The following PTPRG variants were observed in gnomAD, a reference collection of about 807,000 sequenced individuals.
PTPRG encodes receptor-type tyrosine-protein phosphatase gamma.
A neutral mutation model predicts 165.3 loss-of-function variants in PTPRG; 102 were observed. That is an observed-to-expected ratio of 0.62 (90% CI 0.53 to 0.73). PTPRG has a LOEUF of 0.73. Ranked by LOEUF, PTPRG falls within the 30% of genes least tolerant of loss-of-function variation. PTPRG has a pLI of 0.00. For missense variants in PTPRG, 1,866 were observed against 1,861.4 expected (o/e 1.00, Z -0.05); for synonymous variants, 675 against 669.5 (o/e 1.01, Z -0.13).
chr3:62,231,482 T>TTA (rs1700900729), intron 14 of PTPRG, among the ~76,000 whole-genome samples, 171 bp downstream of exon 14: 1 of 152,206 alleles, frequency 6.6e-6, no homozygotes, highest in Non-Finnish European at 1.5e-5. Context: ...ATTCAGCTTG[T>TTA]GGGTAGCTGG....
At chr3:61,615,898 A>T (rs1285318033) in intron 1 of PTPRG, among the ~76,000 whole-genome samples, 1 of 152,182 alleles carries the variant, frequency 6.6e-6, no homozygotes, top group Non-Finnish European at 1.5e-5. Flanking sequence ...CAAGAAGCTG[A>T]GGAGCCAAAG....
At chr3:61,966,740 C>T (rs908217546) in intron 2 of PTPRG, among the ~76,000 whole-genome samples, 1 of 152,074 alleles carries the variant, frequency 6.6e-6, no homozygotes, top group African/African-American at 2.4e-5. Flanking sequence ...ACAGGTGGCT[C>T]TAGAATTTCT....
At chr3:62,006,654 G>A (rs902145055) in intron 4 of PTPRG, among the ~76,000 whole-genome samples, 4 of 152,192 alleles carry the variant, frequency 2.6e-5, no homozygotes, top group Admixed American at 1.3e-4. Context: ...GATTGGTAGA[G>A]TACAGCTATG....
At position 61,881,207 on chromosome 3, in the gene PTPRG, C is replaced by T. The variant is rs557548018; in HGVS notation, c.191-108418C>T. ...CTCTAAAAACAGCCTTCTTCTTTCCCGATAGATTGTAAGTCTGTGCTTGTA... is the reference window on the plus strand; with the variant it reads ...CTCTAAAAACAGCCTTCTTCTTTCCTGATAGATTGTAAGTCTGTGCTTGTA... On this transcript the variant is annotated intron_variant, in intron 2 of 29. Transcript: ENST00000474889. Among the ~76,000 whole-genome samples the T allele has an allele frequency of 5.9e-5, 9 of 152,162 alleles. No individual in the cohort carries two copies. The East Asian group carries it at 1.5e-3, about 26-fold the overall frequency.
At chr3:61,708,871 G>A (rs1575602257) in intron 1 of PTPRG, among the ~76,000 whole-genome samples, 2 of 152,184 alleles carry the variant, frequency 1.3e-5, no homozygotes, top group East Asian at 1.9e-4. Flanking sequence ...TGTGAAGGTG[G>A]TTTAGAGCCT....
chr3:62,248,412 G>A (rs1366486547), intron 15 of PTPRG, among the ~76,000 whole-genome samples: 4 of 152,140 alleles, frequency 2.6e-5, no homozygotes, highest in Non-Finnish European at 4.4e-5. Context: ...TGAGGATAAA[G>A]CATAATTGAA....
At chr3:62,126,715 A>G (rs900576497) in intron 5 of PTPRG, among the ~76,000 whole-genome samples, 1 of 152,242 alleles carries the variant, frequency 6.6e-6, no homozygotes, top group African/African-American at 2.4e-5. Flanking sequence ...GCAATTCTCT[A>G]GACCAGGAAT....
intron 1 of PTPRG, among the ~76,000 whole-genome samples, chr3:61,698,878 A>G (rs2030768309): frequency 6.6e-6 from 1 of 152,158 alleles, no homozygotes; most frequent in Admixed American, 6.5e-5. Flanking sequence ...AGGGACATGG[A>G]TGAAACTGGA....
intron 2 of PTPRG, among the ~76,000 whole-genome samples, chr3:61,956,370 A>G (rs1019341629): frequency 9.2e-5 from 14 of 152,018 alleles, no homozygotes; most frequent in African/African-American, 3.4e-4. Flanking sequence ...AGACACTAAT[A>G]TTCCAGCTGT....
At chr3:61,608,036 A>G (rs557974746) in intron 1 of PTPRG, among the ~76,000 whole-genome samples, 9 of 151,966 alleles carry the variant, frequency 5.9e-5, no homozygotes, top group African/African-American at 1.9e-4. Context: ...TTCAGCTTTT[A>G]TTACTGCATG....
At chr3:61,989,535 G>A (rs1280503656) in intron 2 of PTPRG, 90 bp from the exon 3 acceptor site, 1 of 1,240,310 alleles carries the variant, frequency 8.1e-7, no homozygotes, top group African/African-American at 1.5e-5. Flanking sequence ...GGGACATGTT[G>A]AGAGATGCAG....
intron 2 of PTPRG, among the ~76,000 whole-genome samples, chr3:61,962,298 A>G (rs955110064): frequency 3.9e-5 from 6 of 152,212 alleles, no homozygotes; most frequent in African/African-American, 1.2e-4. Context: ...AAGTATAAGC[A>G]TATCAATTTT....
chr3:61,781,777 G>C (rs2034551204), intron 2 of PTPRG, among the ~76,000 whole-genome samples: 1 of 151,846 alleles, frequency 6.6e-6, no homozygotes, highest in Non-Finnish European at 1.5e-5. Context: ...ATGTAGGCTG[G>C]AGTGCAGTGG....
chr3:61,934,567 C>T (rs984833716), intron 2 of PTPRG, among the ~76,000 whole-genome samples: 4 of 152,032 alleles, frequency 2.6e-5, no homozygotes, highest in African/African-American at 4.8e-5. Flanking sequence ...CTGTGTTGTC[C>T]ACCACCTGTC....
chr3:61,909,538 A>G (rs920038282), intron 2 of PTPRG, among the ~76,000 whole-genome samples: 5 of 152,100 alleles, frequency 3.3e-5, no homozygotes, highest in Non-Finnish European at 7.4e-5. Flanking sequence ...TTTTGTAGCA[A>G]TACAGTCTCA....
intron 5 of PTPRG, among the ~76,000 whole-genome samples, chr3:62,105,017 T>A (rs928457175): frequency 6.6e-5 from 10 of 152,174 alleles, no homozygotes; most frequent in African/African-American, 2.4e-4. Flanking sequence ...TATTATACAA[T>A]AAAGAAATCA....
intron 5 of PTPRG, among the ~76,000 whole-genome samples, chr3:62,122,804 G>A (rs1385726332): frequency 6.6e-6 from 1 of 152,118 alleles, no homozygotes; most frequent in Non-Finnish European, 1.5e-5. Flanking sequence ...TAGCAGCTGA[G>A]GTCCATGAGG....
rs1194598195 is a variant in PTPRG at position 62,273,703 on chromosome 3, G to C, written c.3324G>C (p.Gln1108His). ...QRNYLVQTEEQYIFIHDALLE... is the reference protein window; with the variant it reads ...QRNYLVQTEEHYIFIHDALLE... ...CCATGTATTGTACCTCTTAGGAGCAGTACATTTTCATCCATGATGCCTTGT... is the reference window on the plus strand; with the variant it reads ...CCATGTATTGTACCTCTTAGGAGCACTACATTTTCATCCATGATGCCTTGT... Residue 1108 changes from glutamine (Q) to histidine (H), a missense_variant, in exon 23 of 30, where the codon CAG becomes CAC. Transcript: ENST00000474889. This position sits in a 1 kb window ranked among gnomAD's most constrained non-coding sequence, Gnocchi z 4.1. 6.2e-7 allele frequency: 1 copy of C among 1,613,356 alleles called. No individual in the cohort carries two copies. Among genetic ancestry groups the C allele is most frequent in the Admixed American group, 1.7e-5 (1 of 59,964 alleles).
intron 2 of PTPRG, among the ~76,000 whole-genome samples, chr3:61,764,702 A>C (rs367925906): frequency 1.3e-5 from 2 of 152,304 alleles, no homozygotes; most frequent in Non-Finnish European, 2.9e-5. Flanking sequence ...GAAAGGTTCA[A>C]TGTTATACCT....
Sources: gnomAD v4.1 joint callset for allele counts (sites outside exome capture counted in the v4.1 genomes callset) on GRCh38, gnomAD v4.1.1 for gene constraint, Gnocchi (gnomAD v3.1) non-coding constraint, MANE v1.5 for transcripts, NCBI Gene and HGNC (gene_info 2026-07-23, HGNC 2026-07-21) for gene names.